The following CSMD3 variants were observed in gnomAD, a reference collection of about 807,000 sequenced individuals.
CSMD3 encodes the protein CUB and sushi domain-containing protein 3.
CSMD3 carries 177 observed loss-of-function variants against 435.2 expected under a neutral mutation model. The ratio of observed to expected loss-of-function variants is 0.41; its 90% CI spans 0.36 to 0.46. The LOEUF (loss-of-function observed/expected upper bound fraction) is 0.46, where lower values mean the gene tolerates loss of function less well. Ranked by LOEUF, CSMD3 falls within the 20% of genes least tolerant of loss-of-function variation. The pLI is 0.34. For missense variants in CSMD3, 4,265 were observed against 4,504.6 expected, an observed-to-expected ratio of 0.95 and a Z score of 1.52; for synonymous variants, 1,656 against 1,520.5, an observed-to-expected ratio of 1.09 and a Z score of -2.07.
At position 113,049,782 on chromosome 8, in the gene CSMD3, G is replaced by T. The variant is rs113611494; in HGVS notation, c.918-30603C>A. Among the ~76,000 whole-genome samples, 542 of 152,258 alleles carry T rather than the reference G, an allele frequency of 3.6e-3. 3 individuals carry two copies. The highest frequency in any genetic ancestry group is 0.012 in the African/African-American group (506 of 41,542). On this transcript the variant is annotated intron_variant, in intron 5 of 70. Transcript: ENST00000297405. ...AAGCAATTTGAAATATTTATTTTCTGTTTATAATTCATATAAATATTGATA... is the reference window on the plus strand; with the variant it reads ...AAGCAATTTGAAATATTTATTTTCTTTTTATAATTCATATAAATATTGATA...
chr8:112,900,643 G>C (rs1243756137), intron 10 of CSMD3, among the ~76,000 whole-genome samples: 1 of 151,216 alleles, frequency 6.6e-6, no homozygotes, highest in Non-Finnish European at 1.5e-5. Context: ...TTGTTAACTT[G>C]CAAGTATGGT....
intron 32 of CSMD3, among the ~76,000 whole-genome samples, chr8:112,420,491 ATAGT>A (rs201467442): frequency 6.6e-6 from 1 of 151,840 alleles, no homozygotes. Flanking sequence ...TAGTCTTTTT[ATAGT>A]TAGTTTAATC....
intron 27 of CSMD3, among the ~76,000 whole-genome samples, chr8:112,546,196 A>G (rs1827169045): frequency 6.6e-6 from 1 of 152,208 alleles, no homozygotes; most frequent in Admixed American, 6.5e-5. Context: ...GTAGGTTGGG[A>G]CATATTCTGG....
intron 3 of CSMD3, among the ~76,000 whole-genome samples, chr8:113,221,939 C>G (rs1034785028): frequency 6.6e-6 from 1 of 151,220 alleles, no homozygotes; most frequent in South Asian, 2.1e-4. Context: ...GTTTTATTCC[C>G]TACTACAACC....
At chr8:112,242,081 A>T (rs1452753759) in intron 65 of CSMD3, among the ~76,000 whole-genome samples, 1 of 152,192 alleles carries the variant, frequency 6.6e-6, no homozygotes, top group Non-Finnish European at 1.5e-5. Context: ...TTTTAGAGGC[A>T]TAAGCCAAAG....
intron 1 of CSMD3, among the ~76,000 whole-genome samples, chr8:113,429,079 A>G (rs1464493187): frequency 2.0e-5 from 3 of 151,798 alleles, no homozygotes; most frequent in Non-Finnish European, 3.0e-5. Flanking sequence ...CAACTCCTCA[A>G]AGAGTAGAAT....
chr8:112,971,545 T>A lies in CSMD3; in HGVS notation c.1342+4292A>T, dbSNP rs79068490. Among the ~76,000 whole-genome samples, 1,009 of 152,306 alleles carry A rather than the reference T, an allele frequency of 6.6e-3. 12 individuals are homozygous for A. Among genetic ancestry groups the A allele is most frequent in the African/African-American group, 0.023 (967 of 41,572 alleles). On this transcript the variant is annotated intron_variant, in intron 7 of 70. Transcript: ENST00000297405. ...CTTATAACAACCCTGATGTAATATT[T>A]TGATACTACAAAAACTACTTTGCAA... is the stretch of plus-strand genomic sequence containing the variant.
At chr8:112,505,852 C>T (rs1487983301) in intron 29 of CSMD3, among the ~76,000 whole-genome samples, 1 of 151,982 alleles carries the variant, frequency 6.6e-6, no homozygotes, top group Non-Finnish European at 1.5e-5. Context: ...CAGTGGTCTA[C>T]CTAAGGTCAC....
intron 4 of CSMD3, among the ~76,000 whole-genome samples, chr8:113,143,401 A>C (rs1484464775): frequency 6.6e-6 from 1 of 151,472 alleles, no homozygotes; most frequent in Non-Finnish European, 1.5e-5. Flanking sequence ...GCACTCTAGA[A>C]GACAGTTTGG....
chr8:113,036,401 C>T (rs2087353320), intron 5 of CSMD3, among the ~76,000 whole-genome samples: 1 of 151,772 alleles, frequency 6.6e-6, no homozygotes, highest in Admixed American at 6.6e-5. Context: ...ACTTTTATTC[C>T]TATATTCCTA....
chr8:113,032,385 G>C (rs10112779), intron 5 of CSMD3, among the ~76,000 whole-genome samples: 2 of 151,394 alleles, frequency 1.3e-5, no homozygotes, highest in Non-Finnish European at 3.0e-5. Context: ...GAACTGACTG[G>C]GAACTGGAGC....
At chr8:112,408,891 G>A in intron 33 of CSMD3, 28 bp downstream of exon 33, 1 of 1,613,030 alleles carries the variant, frequency 6.2e-7, no homozygotes, top group Non-Finnish European at 8.5e-7. Flanking sequence ...ATCAGTAACT[G>A]ATGCATGGCA....
intron 13 of CSMD3, among the ~76,000 whole-genome samples, chr8:112,799,271 A>C (rs1346205621): frequency 6.6e-6 from 1 of 151,876 alleles, no homozygotes; most frequent in African/African-American, 2.4e-5. Flanking sequence ...ATTCATTTTC[A>C]TGTGTCCAGA....
chr8:113,184,849 C>G (rs2092475223), intron 3 of CSMD3, among the ~76,000 whole-genome samples: 1 of 152,124 alleles, frequency 6.6e-6, no homozygotes, highest in Admixed American at 6.6e-5. Context: ...GAATCTCCTT[C>G]AAGGTGTTAA....
At chr8:113,426,470 T>A (rs955822160) in intron 1 of CSMD3, among the ~76,000 whole-genome samples, 2 of 150,200 alleles carry the variant, frequency 1.3e-5, no homozygotes, top group South Asian at 2.1e-4. Flanking sequence ...ATAAGATAAC[T>A]CCCATAATGT....
At chr8:112,606,854 C>T (rs1014311655) in intron 22 of CSMD3, among the ~76,000 whole-genome samples, 3 of 149,140 alleles carry the variant, frequency 2.0e-5, no homozygotes, top group African/African-American at 7.4e-5. Flanking sequence ...AAGGAGGAAA[C>T]ATACAAAACC....
intron 47 of CSMD3, among the ~76,000 whole-genome samples, chr8:112,318,135 T>G (rs1362848107): frequency 6.6e-6 from 1 of 152,038 alleles, no homozygotes; most frequent in Non-Finnish European, 1.5e-5. Flanking sequence ...CTTCTCTATC[T>G]TTGCATATAT....
chr8:113,082,918 A>G (rs1400655560), intron 5 of CSMD3, among the ~76,000 whole-genome samples: 1 of 152,186 alleles, frequency 6.6e-6, no homozygotes, highest in Admixed American at 6.5e-5. Flanking sequence ...AAATTACAAG[A>G]AAATGAATAA....
At chr8:113,411,836 G>T (rs946581255) in intron 1 of CSMD3, among the ~76,000 whole-genome samples, 1 of 152,074 alleles carries the variant, frequency 6.6e-6, no homozygotes, top group African/African-American at 2.4e-5. Context: ...CATCATGGTA[G>T]TTTCATGATG....
Sources: allele counts gnomAD v4.1 joint callset (sites outside exome capture counted in the v4.1 genomes callset), GRCh38; gene constraint gnomAD v4.1.1; transcripts MANE v1.5; gene names NCBI Gene and HGNC (gene_info 2026-07-23, HGNC 2026-07-21).